PTPRT: variants seen among roughly 807,000 people sequenced by gnomAD.
PTPRT encodes receptor-type tyrosine-protein phosphatase T.
Under a neutral mutation model 176.8 loss-of-function variants are expected in PTPRT, and 56 were observed. The observed-to-expected ratio is 0.32, with a 90% CI of 0.26 to 0.40. The LOEUF (loss-of-function observed/expected upper bound fraction) is 0.40, where lower values mean the gene tolerates loss of function less well. Ranked by LOEUF, PTPRT falls within the 10% of genes least tolerant of loss-of-function variation. PTPRT has a pLI of 1.00. For synonymous variants in PTPRT, 783 were observed against 739.0 expected (o/e 1.06, Z -0.96); for missense variants, 1,540 against 1,908.2 (o/e 0.81, Z 3.60).
At chr20:42,660,538 C>T (rs1373061401) in intron 7 of PTPRT, among the ~76,000 whole-genome samples, 1 of 152,174 alleles carries the variant, frequency 6.6e-6, no homozygotes, top group Non-Finnish European at 1.5e-5. Context: ...AACTTGGTAA[C>T]AGTTGTTATC....
chr20:42,044,053 A>T, the PTPRT span, among the ~76,000 whole-genome samples: 2 of 152,218 alleles, frequency 1.3e-5, no homozygotes, highest in African/African-American at 2.4e-5. Flanking sequence ...CAGCACTGGG[A>T]CAGAGGAGTA....
chr20:42,234,782 C>T lies in PTPRT; in HGVS notation c.2342+1447G>A, dbSNP rs953307830. 3.3e-5 allele frequency among the ~76,000 whole-genome samples: 5 copies of T among 152,198 alleles called. No individual in the cohort carries two copies. In the South Asian group the frequency reaches 6.2e-4, roughly 19 times the overall value. On this transcript the variant is annotated intron_variant, in intron 15 of 30. Coordinates refer to ENST00000373187, the MANE Select transcript of PTPRT (RefSeq NM_007050.6). ...TGAATGAATAAGTGATCTGGTACTTCCAGTATTGGTGATGGGGGCCCATTT... is the reference window on the plus strand; with the variant it reads ...TGAATGAATAAGTGATCTGGTACTTTCAGTATTGGTGATGGGGGCCCATTT...
rs1156414727 is a variant in PTPRT at position 43,172,869 on chromosome 20, C to CTTT, written c.88+16774_88+16776dup. On this transcript the variant is annotated intron_variant, in intron 1 of 30. Transcript: ENST00000373187. ...ACAGTCTGAGATCAGAGTCTGCAGT[C>CTTT]TTTTTTTTTTTTTTTTTTTTGAGAT... is the stretch of plus-strand genomic sequence containing the variant. Among the ~76,000 whole-genome samples, 153 of 117,498 alleles carry CTTT rather than the reference C, an allele frequency of 1.3e-3. 5 individuals are homozygous for CTTT. Among genetic ancestry groups the CTTT allele is most frequent in the African/African-American group, 4.2e-3 (124 of 29,592 alleles). The allele number at this position is 117,498 out of a possible 152,430, so 77.1% of individuals were successfully genotyped here. A position where few individuals can be genotyped will look rare whatever the true frequency, so the allele number is the denominator to read the frequency against.
At chr20:42,228,686 C>T (rs537965589) in intron 15 of PTPRT, among the ~76,000 whole-genome samples, 6 of 152,264 alleles carry the variant, frequency 3.9e-5, no homozygotes, top group African/African-American at 1.4e-4. Context: ...CAATGAGAGA[C>T]AAAACAAAAT....
intron 7 of PTPRT, among the ~76,000 whole-genome samples, chr20:42,510,918 T>C (rs1037621714): frequency 5.3e-5 from 8 of 152,128 alleles, no homozygotes; most frequent in African/African-American, 1.9e-4. Flanking sequence ...TAATCCCCAA[T>C]GTGGCAATCA....
intron 15 of PTPRT, among the ~76,000 whole-genome samples, chr20:42,217,195 G>A (rs1446848589): frequency 4.6e-5 from 7 of 151,958 alleles, no homozygotes; most frequent in African/African-American, 9.7e-5. Context: ...CCAACATGGC[G>A]AAATCCCGTC....
In PTPRT at chr20:43,146,557, C is replaced by G. The variant is rs200603146; in HGVS notation, c.88+43089G>C. ...AAAATAAAGACTCTTCACTTCTGAA[C>G]CAAAAAAAAAAAAAATCACCCCAAA... is the stretch of plus-strand genomic sequence containing the variant. On this transcript the variant is annotated intron_variant, in intron 1 of 30. Transcript: ENST00000373187. 5.7e-5 allele frequency among the ~76,000 whole-genome samples: 6 copies of G among 105,818 alleles called. No homozygotes were observed. In the East Asian group the frequency reaches 2.1e-3, roughly 38 times the overall value. 69.4% of individuals were successfully genotyped at this position (105,818 alleles called of 152,430 possible).
At chr20:42,989,817 A>T (rs1447535793) in intron 1 of PTPRT, among the ~76,000 whole-genome samples, 1 of 152,228 alleles carries the variant, frequency 6.6e-6, no homozygotes, top group Non-Finnish European at 1.5e-5. Context: ...TGGAATTTTG[A>T]GATGTAAACT....
At chr20:42,362,009 A>G (rs560181380) in intron 9 of PTPRT, among the ~76,000 whole-genome samples, 9 of 152,354 alleles carry the variant, frequency 5.9e-5, no homozygotes, top group African/African-American at 2.2e-4. Context: ...TACATGCTAC[A>G]TTCTTAGCCA....
At chr20:42,983,954 T>G (rs6124513) in intron 1 of PTPRT, among the ~76,000 whole-genome samples, 70,345 of 152,012 alleles carry the variant, frequency 0.46, 16,483 homozygotes, top group South Asian at 0.6. Flanking sequence ...TCCACTTTGG[T>G]CTCAGCTCCC....
rs922141103 is a variant in PTPRT at position 42,073,569 on chromosome 20, G to A, written c.*7310C>T. 4.6e-6 allele frequency: 1 copy of A among 218,758 alleles called. No homozygotes were observed. Among genetic ancestry groups the A allele is most frequent in the African/African-American group, 2.2e-5 (1 of 44,482 alleles). The allele number at this position is 218,758 out of a possible 1,614,324, so 13.6% of individuals were successfully genotyped here. ...CTGTCACTCATGGCCCTGTTGGTCA[G>A]TGGGTCTGAGTTATGGCTGCTCTCA... On this transcript the variant is annotated 3_prime_UTR_variant, in exon 31 of 31. Transcript: ENST00000373187.
chr20:42,563,168 T>C (rs1170318755), intron 7 of PTPRT, among the ~76,000 whole-genome samples: 2 of 152,188 alleles, frequency 1.3e-5, no homozygotes, highest in Admixed American at 1.3e-4. Context: ...AAACACATAT[T>C]ATCCTTAATA....
At chr20:42,943,086 CA>C (rs1980669591) in intron 1 of PTPRT, among the ~76,000 whole-genome samples, 1 of 152,160 alleles carries the variant, frequency 6.6e-6, no homozygotes, top group Non-Finnish European at 1.5e-5. Flanking sequence ...TTATTTAGAT[CA>C]AAACCCAAAC....
At chr20:42,599,959 G>C (rs972030841) in intron 7 of PTPRT, among the ~76,000 whole-genome samples, 6 of 152,138 alleles carry the variant, frequency 3.9e-5, no homozygotes, top group African/African-American at 1.4e-4. Flanking sequence ...AGTTTCCTAA[G>C]CTTACTACAT....
chr20:42,201,695 A>T (rs1991454974), intron 15 of PTPRT, among the ~76,000 whole-genome samples: 1 of 141,742 alleles, frequency 7.1e-6, no homozygotes, highest in Admixed American at 7.3e-5. Context: ...AGGCCCAGCC[A>T]GTCATAGACA....
At chr20:42,393,788 TTTAGTG>T (rs1209794194) in intron 9 of PTPRT, among the ~76,000 whole-genome samples, 11 of 152,216 alleles carry the variant, frequency 7.2e-5, no homozygotes, top group Admixed American at 2.0e-4. Flanking sequence ...CCCTGTAATT[TTTAGTG>T]TGCAATTTTA....
intron 1 of PTPRT, among the ~76,000 whole-genome samples, chr20:42,990,257 C>G (rs1401325942): frequency 2.0e-5 from 3 of 152,052 alleles, no homozygotes; most frequent in African/African-American, 4.8e-5. Context: ...GGGAAAAAAT[C>G]TATTGGAAAA....
At chr20:43,141,942 G>A (rs1351148682) in intron 1 of PTPRT, among the ~76,000 whole-genome samples, 1 of 152,112 alleles carries the variant, frequency 6.6e-6, no homozygotes, top group African/African-American at 2.4e-5. Context: ...GTGAGCCTCC[G>A]AGCAGCTTTC....
At chr20:42,515,654 C>T (rs775796951) in intron 7 of PTPRT, among the ~76,000 whole-genome samples, 3 of 152,100 alleles carry the variant, frequency 2.0e-5, no homozygotes, top group African/African-American at 4.8e-5. Context: ...AAAATGTGCA[C>T]AAGTCATAAG....
Sources: gnomAD v4.1 joint callset for allele counts (sites outside exome capture counted in the v4.1 genomes callset) on GRCh38, gnomAD v4.1.1 for gene constraint, MANE v1.5 for transcripts, NCBI Gene and HGNC (gene_info 2026-07-23, HGNC 2026-07-21) for gene names.